Variants in FHIT observed in about 807,000 individuals in gnomAD.
FHIT encodes bis(5'-adenosyl)-triphosphatase.
A neutral mutation model predicts 17.9 loss-of-function variants in FHIT; 19 were observed. The observed-to-expected ratio is 1.06, with a 90% CI of 0.74 to 1.56. FHIT has a LOEUF of 1.56. Among genes scored for constraint, FHIT ranks in the 40% most tolerant of loss-of-function variants. FHIT has a pLI of 0.00. For synonymous variants in FHIT, 81 were observed against 69.7 expected (o/e 1.16, Z -0.81); for missense variants, 248 against 189.2 (o/e 1.31, Z -1.82).
intron 2 of FHIT, among the ~76,000 whole-genome samples, chr3:61,105,044 C>T (rs959170716): frequency 6.6e-6 from 1 of 152,052 alleles, no homozygotes; most frequent in Non-Finnish European, 1.5e-5. Flanking sequence ...TCATTCCTAT[C>T]CGTATTTTGA....
At chr3:61,188,722 A>T (rs868746811) in intron 2 of FHIT, among the ~76,000 whole-genome samples, 2 of 152,158 alleles carry the variant, frequency 1.3e-5, no homozygotes, top group South Asian at 4.1e-4. Context: ...CACATCAAAA[A>T]GCTTATCCAC....
At chr3:60,282,146 C>T (rs1359066426) in intron 5 of FHIT, among the ~76,000 whole-genome samples, 1 of 152,130 alleles carries the variant, frequency 6.6e-6, no homozygotes, top group East Asian at 1.9e-4. Flanking sequence ...AATGCAGTAA[C>T]CAAGTTCCTA....
intron 3 of FHIT, among the ~76,000 whole-genome samples, chr3:60,963,765 T>G (rs1709576946): frequency 6.6e-6 from 1 of 152,226 alleles, no homozygotes; most frequent in Non-Finnish European, 1.5e-5. Context: ...TAATCCTCAG[T>G]TCTTGTTTGA....
At chr3:60,115,449 T>C (rs1258808955) in intron 5 of FHIT, among the ~76,000 whole-genome samples, 1 of 152,176 alleles carries the variant, frequency 6.6e-6, no homozygotes, top group Admixed American at 6.5e-5. Context: ...TTTTAAATAA[T>C]AAAACGGTAA....
chr3:60,178,174 ACTTCCAATCCCCATGGGCTTCTT>A (rs1701767189), intron 5 of FHIT, among the ~76,000 whole-genome samples: 2 of 152,318 alleles, frequency 1.3e-5, no homozygotes. Context: ...AGCCAAGTCA[ACTTCCAATCCCCATGGGCTTCTT>A]CAGTGCACAT....
intron 8 of FHIT, among the ~76,000 whole-genome samples, chr3:59,796,123 A>C (rs1699768431): frequency 6.6e-6 from 1 of 152,192 alleles, no homozygotes; most frequent in Non-Finnish European, 1.5e-5. Context: ...TGCTTTCAAG[A>C]CAAAACTGTG....
At chr3:61,020,055 T>G (rs761834266) in intron 3 of FHIT, among the ~76,000 whole-genome samples, 4 of 152,140 alleles carry the variant, frequency 2.6e-5, no homozygotes, top group Non-Finnish European at 5.9e-5. Flanking sequence ...TATAACCTAG[T>G]AATGGGACGG....
chr3:60,580,806 T>G (rs1553659475), intron 4 of FHIT, among the ~76,000 whole-genome samples: 5 of 152,058 alleles, frequency 3.3e-5, no homozygotes. Context: ...CTGGAGTAAT[T>G]AGGCAGGACG....
At chr3:60,716,272 C>T (rs779835863) in intron 4 of FHIT, among the ~76,000 whole-genome samples, 1 of 152,102 alleles carries the variant, frequency 6.6e-6, no homozygotes, top group African/African-American at 2.4e-5. Flanking sequence ...CACTCACACA[C>T]ACACACATGC....
intron 5 of FHIT, among the ~76,000 whole-genome samples, chr3:60,337,383 G>A (rs1048328821): frequency 1.3e-5 from 2 of 152,118 alleles, no homozygotes; most frequent in Non-Finnish European, 2.9e-5. Context: ...GTAAGCATGT[G>A]TTCTGACTGT....
At chr3:59,888,525 T>G (rs370196823) in intron 8 of FHIT, among the ~76,000 whole-genome samples, 10 of 152,358 alleles carry the variant, frequency 6.6e-5, no homozygotes, top group African/African-American at 2.4e-4. Context: ...TATTATTCAC[T>G]GGTATATATT....
At chr3:60,268,631 T>C (rs1706708276) in intron 5 of FHIT, among the ~76,000 whole-genome samples, 1 of 152,220 alleles carries the variant, frequency 6.6e-6, no homozygotes, top group African/African-American at 2.4e-5. Context: ...ACATCCTTGA[T>C]TGTGACTGCT....
At chr3:60,935,212 T>C (rs1553772782) in intron 3 of FHIT, among the ~76,000 whole-genome samples, 2 of 152,252 alleles carry the variant, frequency 1.3e-5, no homozygotes, top group Admixed American at 1.3e-4. Context: ...TTAACTATTA[T>C]GTAGGTTTAA....
chr3:60,797,997 C>G (rs968326938), intron 4 of FHIT, among the ~76,000 whole-genome samples: 23 of 152,074 alleles, frequency 1.5e-4, no homozygotes, highest in African/African-American at 5.1e-4. Flanking sequence ...ATTTTAAATA[C>G]AAATGCAGTT....
At chr3:60,539,969 A>T (rs1476763744) in intron 4 of FHIT, among the ~76,000 whole-genome samples, 2 of 150,158 alleles carry the variant, frequency 1.3e-5, no homozygotes, top group African/African-American at 4.9e-5. Context: ...ATAAAATAAA[A>T]TAAATTAAAT....
intron 1 of FHIT, among the ~76,000 whole-genome samples, chr3:61,246,189 G>T (rs1199868501): frequency 6.6e-6 from 1 of 152,136 alleles, no homozygotes; most frequent in Non-Finnish European, 1.5e-5. Flanking sequence ...ATATCATCAA[G>T]AAATAACCAT....
chr3:60,496,192 C>A (rs543644439), intron 5 of FHIT, among the ~76,000 whole-genome samples: 29 of 152,074 alleles, frequency 1.9e-4, no homozygotes, highest in African/African-American at 6.7e-4. Context: ...GTCCCGACCC[C>A]ATCACACATA....
At chr3:60,695,793 C>A (rs782337082) in intron 4 of FHIT, among the ~76,000 whole-genome samples, 2 of 152,158 alleles carry the variant, frequency 1.3e-5, no homozygotes, top group Non-Finnish European at 2.9e-5. Context: ...TATTTAACTT[C>A]TTTGTACCTC....
At chr3:59,929,563 C>T (rs902572114) in intron 7 of FHIT, among the ~76,000 whole-genome samples, 2 of 151,530 alleles carry the variant, frequency 1.3e-5, no homozygotes, top group South Asian at 2.1e-4. Flanking sequence ...TTAGTACAGA[C>T]GGGGTTCCAC....
Sources: gnomAD v4.1 joint callset for allele counts (sites outside exome capture counted in the v4.1 genomes callset) on GRCh38, gnomAD v4.1.1 for gene constraint, MANE v1.5 for transcripts, NCBI Gene and HGNC (gene_info 2026-07-23, HGNC 2026-07-21) for gene names.